SPACA6: variants seen among roughly 807,000 people sequenced by gnomAD.
SPACA6 encodes sperm acrosome membrane-associated protein 6.
For missense variants in SPACA6, 8 were observed against 2.8 expected (o/e 2.88, Z -1.34); for synonymous variants, 6 against 1.5 (o/e 4.05, Z -2.21).
chr19:51,702,995 C>T (rs113019570), intron 4 of SPACA6, 26 bp from the exon 5 acceptor site: 5 of 399,082 alleles, frequency 1.3e-5, no homozygotes, highest in African/African-American at 4.1e-5. Context: ...CAGGTGGCGC[C>T]TAGACCCAGC....
chr19:51,707,513 C>T (rs1386768430), downstream of SPACA6, among the ~76,000 whole-genome samples: 8 of 152,272 alleles, frequency 5.3e-5, no homozygotes, highest in East Asian at 9.6e-4. Flanking sequence ...TGAGCCACCG[C>T]GCCTGGCCAG....
chr19:51,702,025 C>T (rs1055270600), intron 3 of SPACA6, among the ~76,000 whole-genome samples: 1 of 152,088 alleles, frequency 6.6e-6, no homozygotes, highest in Non-Finnish European at 1.5e-5. Context: ...GACCCGAGAT[C>T]GGCACTCCAG....
chr19:51,697,863 A>G (rs1432828956), intron 2 of SPACA6, among the ~76,000 whole-genome samples: 2 of 152,210 alleles, frequency 1.3e-5, no homozygotes, highest in African/African-American at 2.4e-5. Context: ...AAATGTAGCC[A>G]TGTGATTTTG....
At chr19:51,712,617 C>T (rs73054902), downstream of SPACA6, among the ~76,000 whole-genome samples, 23,741 of 152,152 alleles carry the variant, frequency 0.16, 1,967 homozygotes, top group South Asian at 0.31. Context: ...GAGGTTGGCA[C>T]TGGCTTGGAG....
At chr19:51,708,818 C>T (rs867757769), downstream of SPACA6, among the ~76,000 whole-genome samples, 66 of 149,966 alleles carry the variant, frequency 4.4e-4, no homozygotes, top group African/African-American at 1.5e-3. Context: ...CAGAGTGAGA[C>T]AATGGCACTC....
In SPACA6 at chr19:51,702,662, T is replaced by TC. The variant is rs2083478416; in HGVS notation, c.385+11dup. On this transcript the variant is annotated intron_variant, in intron 4 of 8. Transcript: ENST00000637797. ...TGCATCCCTCCCTGCGGTAAGGACTTCATCTAAAACTTGGAAATTGCGGGG... is the reference window on the plus strand; with the variant it reads ...TGCATCCCTCCCTGCGGTAAGGACTTCCATCTAAAACTTGGAAATTGCGGGG... The TC allele has an allele frequency of 2.5e-6, 1 of 399,084 alleles. No homozygotes were observed. Among genetic ancestry groups the TC allele is most frequent in the Non-Finnish European group, 4.4e-6 (1 of 226,182 alleles). The allele number at this position is 399,084 out of a possible 1,614,324, so 24.7% of individuals were successfully genotyped here.
chr19:51,698,291 A>G (rs76824966), intron 2 of SPACA6, among the ~76,000 whole-genome samples: 1,582 of 151,486 alleles, frequency 0.01, 21 homozygotes, highest in African/African-American at 0.036. Flanking sequence ...ACGATATGCA[A>G]CTCCTCTGGG....
chr19:51,709,921 C>T (rs780473233), downstream of SPACA6, among the ~76,000 whole-genome samples: 5 of 152,170 alleles, frequency 3.3e-5, no homozygotes, highest in South Asian at 2.1e-4. Flanking sequence ...CACAGTGGCA[C>T]TGTGCAGTCA....
At chr19:51,690,443 C>G (rs2083360250), upstream of SPACA6, among the ~76,000 whole-genome samples, 1 of 152,142 alleles carries the variant, frequency 6.6e-6, no homozygotes, top group Non-Finnish European at 1.5e-5. Flanking sequence ...GATCCCCAGG[C>G]CCCTCCTCCT....
chr19:51,709,482 A>G (rs1404212279), downstream of SPACA6, among the ~76,000 whole-genome samples: 1 of 141,784 alleles, frequency 7.1e-6, no homozygotes, highest in Non-Finnish European at 1.5e-5. Flanking sequence ...GCGCCATTGC[A>G]CTCCAGCCTG....
chr19:51,684,769 T>G (rs1301401996), upstream of SPACA6, among the ~76,000 whole-genome samples: 1 of 152,202 alleles, frequency 6.6e-6, no homozygotes, highest in Non-Finnish European at 1.5e-5. Context: ...TATGAATGTG[T>G]GTTGGGCCAC....
chr19:51,711,426 A>C (rs547772019), intron 2 of SPACA6, among the ~76,000 whole-genome samples: 3 of 152,216 alleles, frequency 2.0e-5, no homozygotes, highest in African/African-American at 7.2e-5. Context: ...TAGAACCCTC[A>C]TACATTGCTG....
chr19:51,688,454 G>T (rs1036865311), upstream of SPACA6: 1 of 152,420 alleles, frequency 6.6e-6, no homozygotes, highest in African/African-American at 2.4e-5. Flanking sequence ...CCGGGATTGG[G>T]ACTGTCTGCG....
upstream of SPACA6, chr19:51,692,648 G>A (rs766862614): frequency 3.8e-6 from 2 of 531,814 alleles, no homozygotes; most frequent in South Asian, 1.4e-5. This position sits in a 1 kb window ranked among gnomAD's most constrained non-coding sequence, Gnocchi z 5.6. Context: ...CGGGGCCTTC[G>A]CCGCACACAA....
In SPACA6 at chr19:51,693,583, C is replaced by T. The variant is rs918497687; in HGVS notation, c.57C>T (p.Val19=). 2.3e-5 allele frequency: 10 copies of T among 438,888 alleles called. No homozygotes were observed. The Admixed American group carries it at 3.6e-4, about 16-fold the overall frequency. The allele number at this position is 438,888 out of a possible 1,614,324, so 27.2% of individuals were successfully genotyped here. Residue 19 remains valine (V), a synonymous_variant, in exon 1 of 9, where the codon GTC becomes GTT. Transcript: ENST00000637797. The part of the protein sequence containing the change: ...AVPSALLALA[V]FRVPAWACLL... The stretch of plus-strand genomic sequence containing the variant: ...CGTCTGCCCTGCTGGCCCTGGCTGT[C>T]TTCAGGGTGCCCGCCTGGGCCTGTC...
intron 2 of SPACA6, among the ~76,000 whole-genome samples, chr19:51,700,689 A>C (rs1346272455): frequency 1.3e-5 from 2 of 152,188 alleles, no homozygotes; most frequent in African/African-American, 4.8e-5. Flanking sequence ...ACAGTGCTAC[A>C]GAAGAACATG....
chr19:51,708,838 C>T (rs2083528585), downstream of SPACA6, among the ~76,000 whole-genome samples: 1 of 149,018 alleles, frequency 6.7e-6, no homozygotes, highest in African/African-American at 2.5e-5. Context: ...CCGGCCTGGG[C>T]AACAGAGTGA....
At chr19:51,689,275 C>T (rs1415920585), upstream of SPACA6, 1 of 150,982 alleles carries the variant, frequency 6.6e-6, no homozygotes, top group Non-Finnish European at 1.5e-5. Context: ...CCAGGCCGGA[C>T]TGGGCTGGGC....
At chr19:51,688,090 C>G (rs1194854839), upstream of SPACA6, 3 of 152,494 alleles carry the variant, frequency 2.0e-5, no homozygotes, top group Admixed American at 1.3e-4. Flanking sequence ...TTGCTCACAA[C>G]CTTCCAGGGC....
Sources: gnomAD v4.1 joint callset for allele counts (sites outside exome capture counted in the v4.1 genomes callset) on GRCh38, gnomAD v4.1.1 for gene constraint, Gnocchi (gnomAD v3.1) non-coding constraint, MANE v1.5 for transcripts, NCBI Gene and HGNC (gene_info 2026-07-23, HGNC 2026-07-21) for gene names.